RERG: variants seen among roughly 807,000 people sequenced by gnomAD.
The protein encoded by RERG is RAS like estrogen regulated growth inhibitor.
Under a neutral mutation model 23.2 loss-of-function variants are expected in RERG, and 25 were observed. That is an observed-to-expected ratio of 1.08 (90% CI 0.79 to 1.50). The LOEUF (loss-of-function observed/expected upper bound fraction) is 1.50, where lower values mean the gene tolerates loss of function less well. Ranked by LOEUF, RERG falls within the 40% of genes most tolerant of loss-of-function variation. The pLI, the probability that RERG is intolerant of heterozygous loss-of-function variation, is 0.00. For missense variants in RERG, 253 were observed against 250.1 expected (o/e 1.01, Z -0.08); for synonymous variants, 81 against 89.1 (o/e 0.91, Z 0.51).
rs1863614561 is a variant in RERG, at chr12:15,111,418, C to A, written c.119-1G>T. On this transcript the variant is annotated splice_acceptor_variant, in intron 3 of 4. Transcript: ENST00000256953. LOFTEE classifies it high-confidence loss of function. ...GTTGCTTGGTGTCGGTAGGTTGATT[C>A]TAAGGGAATGAGCAAATAAAAAAGA... 4.3e-6 allele frequency: 7 copies of A among 1,609,396 alleles called. No individual in the cohort carries two copies. In the African/African-American group the frequency reaches 8.0e-5, roughly 18 times the overall value.
intron 4 of RERG, among the ~76,000 whole-genome samples, chr12:15,109,960 T>A (rs1863574701): frequency 6.6e-6 from 1 of 152,210 alleles, no homozygotes; most frequent in African/African-American, 2.4e-5. Flanking sequence ...GGTTTATTTA[T>A]TATTTTTTTG....
chr12:15,141,858 G>A (rs548993182), intron 2 of RERG, among the ~76,000 whole-genome samples: 17 of 152,152 alleles, frequency 1.1e-4, no homozygotes, highest in East Asian at 9.6e-4. Context: ...TTATTCTTGC[G>A]TCTTCAATAT....
intron 2 of RERG, among the ~76,000 whole-genome samples, chr12:15,201,751 T>A (rs2136141531): frequency 6.6e-6 from 1 of 151,396 alleles, no homozygotes; most frequent in African/African-American, 2.4e-5. Flanking sequence ...TAATTATTAG[T>A]AATTGTTAAT....
intron 4 of RERG, 189 bp downstream of exon 4, chr12:15,111,155 C>A: frequency 4.3e-6 from 2 of 467,472 alleles, no homozygotes; most frequent in Non-Finnish European, 7.6e-6. Flanking sequence ...AAACACTGGG[C>A]AGTTTATATA....
chr12:15,110,572 G>A (rs61909397), intron 4 of RERG, among the ~76,000 whole-genome samples: 18,038 of 144,662 alleles, frequency 0.12, 1,144 homozygotes, highest in Admixed American at 0.13. Context: ...TCCGCCTCCC[G>A]GGTTCACACC....
At chr12:15,220,261 G>A (rs541621902) in intron 1 of RERG, among the ~76,000 whole-genome samples, 13 of 152,196 alleles carry the variant, frequency 8.5e-5, no homozygotes, top group Non-Finnish European at 1.5e-4. Flanking sequence ...CTTTTTATGT[G>A]GATGGTGCTT....
chr12:15,138,935 C>T lies in RERG; in HGVS notation c.62-17816G>A, dbSNP rs541310085. Among the ~76,000 whole-genome samples, 27 of 148,200 alleles carry T rather than the reference C, an allele frequency of 1.8e-4. No individual in the cohort carries two copies. The South Asian group carries it at 5.5e-3, about 30-fold the overall frequency. On this transcript the variant is annotated intron_variant, in intron 2 of 4. Coordinates refer to ENST00000256953, the MANE Select transcript of RERG (RefSeq NM_032918.3). ...TTCTCCTATACTATAATCTAGAAAC[C>T]TTACAGTTTTGCATTTTACATTTAG...
intron 2 of RERG, among the ~76,000 whole-genome samples, chr12:15,144,954 G>A (rs1289365788): frequency 6.6e-6 from 1 of 152,178 alleles, no homozygotes; most frequent in Admixed American, 6.5e-5. Context: ...ATGTGGAGAA[G>A]CATTTACTTA....
chr12:15,109,451 T>A lies in RERG; in HGVS notation c.259A>T (p.Thr87Ser), dbSNP rs199919898. Residue 87 changes from threonine (T) to serine (S), a missense_variant, in exon 5 of 5, where the codon ACT (threonine) becomes TCT (serine). Thr to Ser is a moderately conservative substitution (Grantham distance 58). Coordinates refer to ENST00000256953, the MANE Select transcript of RERG (RefSeq NM_032918.3). The part of the protein sequence containing the change: ...GEGFVLVYDI[T>S]DRGSFEEVLP... Reference sequence around the variant, plus strand: ...ACTTCCTCAAAACTTCCTCGGTCAGTAATGTCGTAGACCAGCACAAAGCCT... The same window carrying A: ...ACTTCCTCAAAACTTCCTCGGTCAGAAATGTCGTAGACCAGCACAAAGCCT... 3.7e-6 allele frequency: 6 copies of A among 1,614,014 alleles called. No homozygotes were observed. In the Admixed American group the frequency reaches 1.0e-4, roughly 27 times the overall value.
intron 2 of RERG, among the ~76,000 whole-genome samples, chr12:15,126,719 T>C (rs1004418497): frequency 1.9e-5 from 2 of 106,316 alleles, no homozygotes; most frequent in African/African-American, 7.1e-5. Flanking sequence ...TTTTTCTTTT[T>C]CTTTCTTTTT....
chr12:15,139,840 T>G (rs1400533663), intron 2 of RERG, among the ~76,000 whole-genome samples: 1 of 152,178 alleles, frequency 6.6e-6, no homozygotes, highest in African/African-American at 2.4e-5. Flanking sequence ...TTAGGTCTTC[T>G]GGTGAAATGT....
intron 2 of RERG, among the ~76,000 whole-genome samples, chr12:15,181,014 C>T (rs1864915994): frequency 6.6e-6 from 1 of 152,164 alleles, no homozygotes; most frequent in Non-Finnish European, 1.5e-5. Flanking sequence ...AATTGTTTCC[C>T]ACCCCCTCCC....
chr12:15,126,490 T>G (rs890502774), intron 2 of RERG, among the ~76,000 whole-genome samples: 4 of 152,038 alleles, frequency 2.6e-5, no homozygotes, highest in Non-Finnish European at 5.9e-5. Context: ...CAGGGTTTAT[T>G]GCTATTATTT....
intron 2 of RERG, among the ~76,000 whole-genome samples, chr12:15,203,711 A>T (rs1865247792): frequency 6.6e-6 from 1 of 151,664 alleles, no homozygotes; most frequent in South Asian, 2.1e-4. Flanking sequence ...AAATGAATTC[A>T]GTAAAGCTGT....
At chr12:15,126,733 T>C (rs1366453139) in intron 2 of RERG, among the ~76,000 whole-genome samples, 2 of 147,494 alleles carry the variant, frequency 1.4e-5, no homozygotes, top group Non-Finnish European at 1.5e-5. Flanking sequence ...TCTTTTTTTT[T>C]TTTTTTTGAG....
At position 15,133,877 on chromosome 12, in the gene RERG, T is replaced by C. The variant is rs61328726; in HGVS notation, c.62-12758A>G. The stretch of plus-strand genomic sequence containing the variant: ...ACATGATGTTGAGAATCTTTCCATA[T>C]GTTTATTTGACATCTGTATATCTTT... On this transcript the variant is annotated intron_variant, in intron 2 of 4. Coordinates refer to ENST00000256953, the MANE Select transcript of RERG (RefSeq NM_032918.3). Among the ~76,000 whole-genome samples the C allele has an allele frequency of 8.6e-3, 1,314 of 152,250 alleles. 15 individuals carry two copies. The highest frequency in any genetic ancestry group is 0.03 in the African/African-American group (1,237 of 41,550).
intron 2 of RERG, among the ~76,000 whole-genome samples, chr12:15,139,619 T>TC (rs1237371649): frequency 6.6e-6 from 1 of 152,218 alleles, no homozygotes; most frequent in Non-Finnish European, 1.5e-5. Flanking sequence ...TTCCATCTGT[T>TC]CATTGCTAGT....
chr12:15,210,741 T>C lies in RERG; in HGVS notation c.61+6688A>G, dbSNP rs547317420. Among the ~76,000 whole-genome samples the C allele has an allele frequency of 8.5e-5, 13 of 152,324 alleles. No homozygotes were observed. In the South Asian group the frequency reaches 2.7e-3, roughly 32 times the overall value. The stretch of plus-strand genomic sequence containing the variant: ...CCTGCAATTTGAAAACATGGTTTAA[T>C]TGGTCTTGGGGTAGAAAAAACAAAT... On this transcript the variant is annotated intron_variant, in intron 2 of 4. Transcript: ENST00000256953.
rs980848452 is a variant in RERG, at chr12:15,161,786, T to A, written c.62-40667A>T. Among the ~76,000 whole-genome samples the A allele has an allele frequency of 1.1e-4, 17 of 152,122 alleles. No homozygotes were observed. The East Asian group carries it at 1.2e-3, about 10-fold the overall frequency. On this transcript the variant is annotated intron_variant, in intron 2 of 4. Coordinates refer to ENST00000256953, the MANE Select transcript of RERG (RefSeq NM_032918.3). ...CCAATAACAATAATAATAATAATAA[T>A]AAAACATATTGTTGACCATTTACCA...
Sources: gnomAD v4.1 joint callset for allele counts (sites outside exome capture counted in the v4.1 genomes callset) on GRCh38, gnomAD v4.1.1 for gene constraint, MANE v1.5 for transcripts, NCBI Gene and HGNC (gene_info 2026-07-23, HGNC 2026-07-21) for gene names.